Variants in CCKBR observed in about 807,000 individuals in gnomAD.
The protein encoded by CCKBR is gastrin/cholecystokinin type B receptor.
CCKBR carries 33 observed loss-of-function variants against 34.6 expected under a neutral mutation model. The ratio of observed to expected loss-of-function variants is 0.95; its 90% CI spans 0.72 to 1.27. The LOEUF is 1.27. Ranked by LOEUF, CCKBR falls within the 50% of genes most tolerant of loss-of-function variation. The probability of loss-of-function intolerance (pLI) is 0.00; values close to 1 mark genes in which losing one functional copy is unlikely to be tolerated. For synonymous variants in CCKBR, 269 were observed against 267.5 expected (o/e 1.01, Z -0.06); for missense variants, 652 against 617.4 (o/e 1.06, Z -0.59).
Position 6,270,324 on chromosome 11 carries a change from G to T in CCKBR, c.640G>T (p.Val214Phe), listed in dbSNP as rs751679166. ...CGTGCATCGCTGGCCCAGTGCGCGG[G>T]TCCGCCAGACCTGGTGAGCTTGCCC... The part of the protein sequence containing the change: ...QCVHRWPSAR[V>F]RQTWSVLLLL... Residue 214 changes from valine to phenylalanine, a missense_variant, in exon 3 of 5, where the codon GTC becomes TTC. By Grantham distance (50) the Val-to-Phe change is conservative. Coordinates refer to ENST00000334619, the MANE Select transcript of CCKBR (RefSeq NM_176875.4). The T allele has an allele frequency of 3.1e-6, 5 of 1,612,022 alleles. No individual in the cohort carries two copies. Among genetic ancestry groups the T allele is most frequent in the Non-Finnish European group, 4.2e-6 (5 of 1,179,380 alleles).
In CCKBR at chr11:6,271,439, C is replaced by G. The variant is rs866773703; in HGVS notation, c.1240C>G (p.Arg414Gly). 12 of 1,613,578 alleles carry G rather than the reference C, an allele frequency of 7.4e-6. No homozygotes were observed. The highest frequency in any genetic ancestry group is 2.2e-5 in the East Asian group (1 of 44,872). Reference sequence around the variant, plus strand: ...CGCTCGCTGCTGCCCCCGGCCTCCACGAGCTCGCCCCAGGGCTCTTCCCGA... The same window carrying G: ...CGCTCGCTGCTGCCCCCGGCCTCCAGGAGCTCGCCCCAGGGCTCTTCCCGA... ...TCARCCPRPP[R>G]ARPRALPDED... Residue 414 changes from arginine (R) to glycine (G), a missense_variant, in exon 5 of 5, where the codon CGA becomes GGA. Transcript: ENST00000334619.
intron 1 of CCKBR, among the ~76,000 whole-genome samples, chr11:6,261,454 A>AAAAAATATATATAT (rs1447691939): frequency 1.6e-5 from 1 of 60,894 alleles, no homozygotes; most frequent in Non-Finnish European, 3.0e-5. Flanking sequence ...AAAAAAAAAA[A>AAAAAATATATATAT]ATATATATAC....
chr11:6,271,045 G>C lies in CCKBR; in HGVS notation c.846G>C (p.Glu282Asp). Residue 282 changes from glutamate to aspartate, a missense_variant, in exon 5 of 5, where the codon GAG becomes GAC. Physicochemically the swap from Glu to Asp is conservative, Grantham distance 45. Coordinates refer to ENST00000334619, the MANE Select transcript of CCKBR (RefSeq NM_176875.4). The stretch of plus-strand genomic sequence containing the variant: ...ACCAGAACGGGCGTTGCCGGCCTGA[G>C]ACTGGCGCGGTTGGCGAAGACAGCG... The part of the protein sequence containing the change: ...AVHQNGRCRP[E>D]TGAVGEDSDG... 6.2e-6 allele frequency: 10 copies of C among 1,614,198 alleles called. No individual in the cohort carries two copies. The highest frequency in any genetic ancestry group is 8.5e-6 in the Non-Finnish European group (10 of 1,180,048).
At position 6,267,446 on chromosome 11, in the gene CCKBR, C is replaced by T. The variant is rs191413873; in HGVS notation, c.152-2223C>T. 1.7e-3 allele frequency among the ~76,000 whole-genome samples: 258 copies of T among 152,274 alleles called. 1 individual carries two copies. Among genetic ancestry groups the T allele is most frequent in the Middle Eastern group, 0.01 (3 of 294 alleles). On this transcript the variant is annotated intron_variant, in intron 1 of 4. Transcript: ENST00000334619. ...GGATAAATATTGCCATCTTCCACCT[C>T]TACATCTTGTCCCACTGGAAGGTCA...
At chr11:6,261,454 A>AAAAAAATAT (rs1447691939) in intron 1 of CCKBR, among the ~76,000 whole-genome samples, 18 of 60,884 alleles carry the variant, frequency 3.0e-4, no homozygotes, top group Admixed American at 7.3e-4. Flanking sequence ...AAAAAAAAAA[A>AAAAAAATAT]ATATATATAC....
At chr11:6,263,342 C>A (rs1848163770) in intron 1 of CCKBR, among the ~76,000 whole-genome samples, 1 of 152,192 alleles carries the variant, frequency 6.6e-6, no homozygotes, top group African/African-American at 2.4e-5. Context: ...CTTAAGTAAG[C>A]TTTTCCCAGA....
At chr11:6,264,302 T>C (rs932258541) in intron 1 of CCKBR, among the ~76,000 whole-genome samples, 2 of 152,246 alleles carry the variant, frequency 1.3e-5, no homozygotes, top group Non-Finnish European at 2.9e-5. Flanking sequence ...ACAAGGGTAT[T>C]ACTTTGATGT....
At position 6,271,017 on chromosome 11, in the gene CCKBR, T is replaced by G; in HGVS notation, c.818T>G (p.Val273Gly). The change falls in exon 5 of 5, where the codon GTT (valine) becomes GGT (glycine). Residue 273 changes from valine (V) to glycine (G), a missense_variant. By Grantham distance (109) the Val-to-Gly change is moderately radical. Coordinates refer to ENST00000334619, the MANE Select transcript of CCKBR (RefSeq NM_176875.4). Reference protein sequence around the residue: ...VRNQGGLPGAVHQNGRCRPET... With the variant: ...VRNQGGLPGAGHQNGRCRPET... ...GCCCACCCTTTGTGCTCAGGGGCTGTTCACCAGAACGGGCGTTGCCGGCCT... is the reference window on the plus strand; with the variant it reads ...GCCCACCCTTTGTGCTCAGGGGCTGGTCACCAGAACGGGCGTTGCCGGCCT... The G allele has an allele frequency of 6.2e-7, 1 of 1,614,156 alleles. No homozygotes were observed. The highest frequency in any genetic ancestry group is 8.5e-7 in the Non-Finnish European group (1 of 1,180,020).
rs201366169 is a variant in CCKBR, at chr11:6,271,414, C to A, written c.1215C>A (p.Cys405Ter). ...RRFRQACLET[C>*]ARCCPRPPRA... is the part of the protein sequence containing the mutation. ...TTCGCCAGGCCTGCCTGGAAACTTG[C>A]GCTCGCTGCTGCCCCCGGCCTCCAC... The change falls in exon 5 of 5, where the codon TGC (cysteine) becomes TGA (stop). Residue 405 changes from cysteine (C) to a stop codon, truncating the protein, a stop_gained. Transcript: ENST00000334619. LOFTEE classifies it high-confidence loss of function. 6.2e-7 allele frequency: 1 copy of A among 1,613,868 alleles called. No homozygotes were observed. Among genetic ancestry groups the A allele is most frequent in the South Asian group, 1.1e-5 (1 of 91,084 alleles).
Position 6,271,355 on chromosome 11 carries a change from A to C in CCKBR, c.1156A>C (p.Asn386His), listed in dbSNP as rs1257179256. ...GCTGAGCTACGCCTCGGCCTGTGTC[A>C]ACCCCCTGGTCTACTGCTTCATGCA... ...HLLSYASACV[N>H]PLVYCFMHRR... is the part of the protein sequence containing the mutation. Residue 386 changes from asparagine (N) to histidine (H), a missense_variant, in exon 5 of 5, where the codon AAC becomes CAC. Transcript: ENST00000334619. 1 of 1,614,048 alleles carries C rather than the reference A, an allele frequency of 6.2e-7. No homozygotes were observed. Among genetic ancestry groups the C allele is most frequent in the Non-Finnish European group, 8.5e-7 (1 of 1,179,992 alleles).
rs377740945 is a variant in CCKBR, at chr11:6,260,033, C to T, written c.105C>T (p.Gly35=). The T allele has an allele frequency of 8.1e-6, 13 of 1,596,950 alleles. No individual in the cohort carries two copies. The highest frequency in any genetic ancestry group is 4.1e-5 in the African/African-American group (3 of 73,434). Residue 35 remains glycine, a synonymous_variant, in exon 1 of 5, where the codon GGC becomes GGT. Transcript: ENST00000334619. The part of the protein sequence containing the change: ...GAPLLNSSSV[G]NLSCEPPRIR... Reference sequence around the variant, plus strand: ...CTCTCCTCAACAGCAGCAGTGTGGGCAACCTCAGCTGCGAGCCCCCTCGCA... The same window carrying T: ...CTCTCCTCAACAGCAGCAGTGTGGGTAACCTCAGCTGCGAGCCCCCTCGCA...
Position 6,270,078 on chromosome 11 carries a change from C to T in CCKBR, c.404-10C>T, listed in dbSNP as rs78670873. On this transcript the variant is annotated splice_polypyrimidine_tract_variant and intron_variant, in intron 2 of 4. Coordinates refer to ENST00000334619, the MANE Select transcript of CCKBR (RefSeq NM_176875.4). ...CTAGGTGACTCCTTCCTTTCTCTTC[C>T]CTTGTTTAGGGGTGTCTGTGAGTGT... is the stretch of plus-strand genomic sequence containing the variant. The T allele has an allele frequency of 6.3e-7, 1 of 1,597,184 alleles. No homozygotes were observed. The highest frequency in any genetic ancestry group is 8.6e-7 in the Non-Finnish European group (1 of 1,168,640).
chr11:6,271,065 A>G lies in CCKBR; in HGVS notation c.866A>G (p.Asp289Gly), dbSNP rs1848299624. ...CCTGAGACTGGCGCGGTTGGCGAAGACAGCGATGGCTGCTACGTGCAACTT... is the reference window on the plus strand; with the variant it reads ...CCTGAGACTGGCGCGGTTGGCGAAGGCAGCGATGGCTGCTACGTGCAACTT... ...CRPETGAVGE[D>G]SDGCYVQLPR... The change falls in exon 5 of 5, where the codon GAC (aspartate) becomes GGC (glycine). Residue 289 changes from aspartate (D) to glycine (G), a missense_variant. Transcript: ENST00000334619. The G allele has an allele frequency of 8.1e-6, 13 of 1,614,176 alleles. No homozygotes were observed. Among genetic ancestry groups the G allele is most frequent in the Non-Finnish European group, 1.1e-5 (13 of 1,180,038 alleles).
At chr11:6,268,737 T>C (rs1041690785) in intron 1 of CCKBR, among the ~76,000 whole-genome samples, 2 of 152,192 alleles carry the variant, frequency 1.3e-5, no homozygotes, top group African/African-American at 4.8e-5. Context: ...TTGGAGAGAA[T>C]TAAAATACAA....
At position 6,260,076 on chromosome 11, in the gene CCKBR, C is replaced by G; in HGVS notation, c.148C>G (p.Arg50Gly). ...CCCTCGCATTCGCGGAGCCGGGACA[C>G]GAGGTGGGTGCCTCCCTCAGCCCCC... ...EPPRIRGAGT[R>G]ELELAIRITL... is the part of the protein sequence containing the mutation. Residue 50 changes from arginine to glycine, a missense_variant, in exon 1 of 5, where the codon CGA (arginine) becomes GGA (glycine). Transcript: ENST00000334619. The G allele has an allele frequency of 6.3e-7, 1 of 1,591,522 alleles. No individual in the cohort carries two copies. Among genetic ancestry groups the G allele is most frequent in the Non-Finnish European group, 8.5e-7 (1 of 1,172,534 alleles).
chr11:6,271,107 C>T lies in CCKBR; in HGVS notation c.908C>T (p.Ala303Val). ...GTGCAACTTCCACGTTCCCGGCCTG[C>T]CCTGGAGCTGACGGCGCTGACGGCT... Reference protein sequence around the residue: ...CYVQLPRSRPALELTALTAPG... With the variant: ...CYVQLPRSRPVLELTALTAPG... The change falls in exon 5 of 5, where the codon GCC becomes GTC. Residue 303 changes from alanine to valine, a missense_variant. Ala to Val is a moderately conservative substitution (Grantham distance 64, BLOSUM62 0). Transcript: ENST00000334619. The T allele has an allele frequency of 6.2e-7, 1 of 1,614,098 alleles. No individual in the cohort carries two copies. The highest frequency in any genetic ancestry group is 8.5e-7 in the Non-Finnish European group (1 of 1,179,998).
chr11:6,268,639 C>T (rs1848243657), intron 1 of CCKBR, among the ~76,000 whole-genome samples: 1 of 152,182 alleles, frequency 6.6e-6, no homozygotes, highest in African/African-American at 2.4e-5. Flanking sequence ...TCTCAAATGG[C>T]AGGGATCTTG....
intron 1 of CCKBR, among the ~76,000 whole-genome samples, chr11:6,266,349 C>T (rs1417049784): frequency 6.6e-6 from 1 of 151,938 alleles, no homozygotes; most frequent in Non-Finnish European, 1.5e-5. Context: ...ATTAGCCGGG[C>T]GTGGTGGTGC....
Position 6,271,266 on chromosome 11 carries a change from G to A in CCKBR, c.1067G>A (p.Arg356His), listed in dbSNP as rs1457572061. ...CCAGTTTATAGTGCCAACACGTGGC[G>A]CGCCTTTGATGGCCCGGGTGCACAC... ...WLPVYSANTW[R>H]AFDGPGAHRA... is the part of the protein sequence containing the mutation. The change falls in exon 5 of 5, where the codon CGC (arginine) becomes CAC (histidine). Residue 356 changes from arginine (R) to histidine (H), a missense_variant. Arg to His is a conservative substitution (Grantham distance 29, BLOSUM62 0). Transcript: ENST00000334619. 3.7e-6 allele frequency: 6 copies of A among 1,614,030 alleles called. No individual in the cohort carries two copies. Among genetic ancestry groups the A allele is most frequent in the Non-Finnish European group, 5.1e-6 (6 of 1,180,026 alleles).
Sources: allele counts gnomAD v4.1 joint callset (sites outside exome capture counted in the v4.1 genomes callset), GRCh38; gene constraint gnomAD v4.1.1; transcripts MANE v1.5; gene names NCBI Gene and HGNC (gene_info 2026-07-23, HGNC 2026-07-21).